The following ABCC8 variants were observed in gnomAD, a reference collection of about 807,000 sequenced individuals.
The protein encoded by ABCC8 is ATP binding cassette subfamily C member 8.
Under a neutral mutation model 188.0 loss-of-function variants are expected in ABCC8, and 137 were observed. That is an observed-to-expected ratio of 0.73 (90% CI 0.63 to 0.84). The LOEUF (loss-of-function observed/expected upper bound fraction) is 0.84, where lower values mean the gene tolerates loss of function less well. Among genes scored for constraint, ABCC8 ranks in the 40% least tolerant of loss-of-function variants. ABCC8 has a pLI of 0.00. For synonymous variants in ABCC8, 797 were observed against 846.5 expected (o/e 0.94, Z 1.01); for missense variants, 1,750 against 2,072.7 (o/e 0.84, Z 3.02).
chr11:17,450,449 C>T (rs140567573), intron 7 of ABCC8, among the ~76,000 whole-genome samples: 2,129 of 130,826 alleles, frequency 0.016, 130 homozygotes, highest in Middle Eastern at 0.063. Flanking sequence ...GGCTGGAGTG[C>T]GGTGGTGCCA....
chr11:17,464,354 C>A (rs1020691040), intron 3 of ABCC8, among the ~76,000 whole-genome samples: 5 of 152,216 alleles, frequency 3.3e-5, no homozygotes, highest in African/African-American at 9.6e-5. Context: ...ACGGAAAGAG[C>A]CAGCCACAGT....
intron 10 of ABCC8, among the ~76,000 whole-genome samples, chr11:17,440,136 C>T (rs1179589990): frequency 6.6e-6 from 1 of 152,180 alleles, no homozygotes; most frequent in Non-Finnish European, 1.5e-5. Context: ...GTGCCAGGAA[C>T]CTTGGGGACC....
At chr11:17,446,090 G>A (rs527334743) in intron 8 of ABCC8, among the ~76,000 whole-genome samples, 10 of 151,212 alleles carry the variant, frequency 6.6e-5, no homozygotes, top group Admixed American at 4.0e-4. Context: ...CTCAGCCTCC[G>A]GAGTAGCTGA....
At chr11:17,476,330 C>G (rs1848773279) in intron 1 of ABCC8, among the ~76,000 whole-genome samples, 1 of 152,218 alleles carries the variant, frequency 6.6e-6, no homozygotes, top group Non-Finnish European at 1.5e-5. Context: ...GTGCTGAGAC[C>G]TCCTCTTTCC....
At chr11:17,469,083 C>T (rs9736975) in intron 3 of ABCC8, among the ~76,000 whole-genome samples, 3,489 of 135,408 alleles carry the variant, frequency 0.026, 60 homozygotes, top group Middle Eastern at 0.044. Flanking sequence ...CCCTCCCTCC[C>T]TCCTTCCTTC....
intron 24 of ABCC8, 73 bp from the exon 25 acceptor site, chr11:17,407,202 C>T: frequency 6.2e-7 from 1 of 1,601,828 alleles, no homozygotes; most frequent in Non-Finnish European, 8.5e-7. Context: ...GCATTTTATC[C>T]CCACTTACTG....
At chr11:17,428,087 A>G in intron 14 of ABCC8, 145 bp from the exon 15 acceptor site, 1 of 1,584,724 alleles carries the variant, frequency 6.3e-7, no homozygotes, top group South Asian at 1.1e-5. Flanking sequence ...GGAGTGGGAG[A>G]CTGGCCTTCT....
chr11:17,428,340 C>A lies in ABCC8; in HGVS notation c.1989G>T (p.Leu663=). The part of the protein sequence containing the change: ...REDCRGLTGP[L]QSLVPSADGD... ...CATCTGCACTGGGGACCAGGCTCTG[C>A]AGTGGGCCGGTGAGGCCCCGACAAT... The change falls in exon 14 of 39, where the codon CTG becomes CTT. Residue 663 remains leucine, a synonymous_variant. Transcript: ENST00000389817. 6.2e-7 allele frequency: 1 copy of A among 1,614,180 alleles called. No homozygotes were observed. Among genetic ancestry groups the A allele is most frequent in the Non-Finnish European group, 8.5e-7 (1 of 1,180,030 alleles).
chr11:17,412,245 A>T (rs964582448), intron 21 of ABCC8, among the ~76,000 whole-genome samples: 6 of 152,188 alleles, frequency 3.9e-5, no homozygotes, highest in African/African-American at 1.4e-4. Context: ...TGTGTTGAGA[A>T]GGATTCTGAG....
chr11:17,396,084 T>A, intron 33 of ABCC8, 154 bp from the exon 34 acceptor site: 1 of 1,483,740 alleles, frequency 6.7e-7, no homozygotes, highest in African/African-American at 1.4e-5. Flanking sequence ...ACCACAGGTT[T>A]GGGCTTGTTT....
intron 16 of ABCC8, among the ~76,000 whole-genome samples, chr11:17,422,771 T>G (rs1313517202): frequency 6.6e-6 from 1 of 152,202 alleles, no homozygotes; most frequent in Non-Finnish European, 1.5e-5. Flanking sequence ...ACCTACTACA[T>G]GGGATCTAAG....
chr11:17,405,431 A>G, intron 27 of ABCC8, 63 bp downstream of exon 27: 1 of 1,610,964 alleles, frequency 6.2e-7, no homozygotes, highest in Non-Finnish European at 8.5e-7. Flanking sequence ...CTCAGACAGG[A>G]GAAGCCCCCA....
intron 16 of ABCC8, among the ~76,000 whole-genome samples, chr11:17,425,052 T>A (rs1955519739): frequency 6.6e-6 from 1 of 152,226 alleles, no homozygotes; most frequent in African/African-American, 2.4e-5. Context: ...GCTGCAGGCA[T>A]GCAGTTGGAC....
chr11:17,445,305 C>T (rs76229771), intron 8 of ABCC8, among the ~76,000 whole-genome samples: 2,724 of 136,102 alleles, frequency 0.02, 78 homozygotes, highest in African/African-American at 0.07. Flanking sequence ...TGTAGATAAA[C>T]GGTGGCCAAG....
chr11:17,459,736 C>T (rs999684389), intron 6 of ABCC8, among the ~76,000 whole-genome samples: 5 of 152,190 alleles, frequency 3.3e-5, no homozygotes, highest in African/African-American at 1.2e-4. Flanking sequence ...AGGAAACAGA[C>T]AACAGAGCAC....
intron 9 of ABCC8, 49 bp downstream of exon 9, chr11:17,443,129 A>G (rs1477988465): frequency 8.1e-6 from 13 of 1,603,120 alleles, no homozygotes; most frequent in Non-Finnish European, 1.1e-5. Flanking sequence ...GCTGCTGTCG[A>G]GGGAAGGAGG....
chr11:17,433,649 G>T (rs1239979490), intron 10 of ABCC8, among the ~76,000 whole-genome samples: 2 of 152,212 alleles, frequency 1.3e-5, no homozygotes, highest in African/African-American at 4.8e-5. Flanking sequence ...CAGAGTACAT[G>T]CCCCTTAGGA....
At chr11:17,466,639 C>T (rs947078121) in intron 3 of ABCC8, among the ~76,000 whole-genome samples, 5 of 88,634 alleles carry the variant, frequency 5.6e-5, no homozygotes, top group Non-Finnish European at 5.0e-5. Context: ...TTTTTTGAGA[C>T]AGGGTCTCAC....
chr11:17,417,771 C>T (rs1955152996), intron 16 of ABCC8, among the ~76,000 whole-genome samples: 1 of 152,134 alleles, frequency 6.6e-6, no homozygotes, highest in Non-Finnish European at 1.5e-5. Flanking sequence ...CTCTCTCAGA[C>T]AGGGTTTCAC....
Sources: allele counts gnomAD v4.1 joint callset (sites outside exome capture counted in the v4.1 genomes callset), GRCh38; gene constraint gnomAD v4.1.1; transcripts MANE v1.5; gene names NCBI Gene and HGNC (gene_info 2026-07-23, HGNC 2026-07-21).